Variants in LRMDA observed in about 807,000 individuals in gnomAD.
LRMDA encodes the protein leucine rich melanocyte differentiation associated, also known as leucine-rich melanocyte differentiation-associated protein.
A neutral mutation model predicts 29.8 loss-of-function variants in LRMDA; 18 were observed. The observed-to-expected ratio is 0.60, with a 90% CI of 0.42 to 0.90. The LOEUF is 0.90. Among genes scored for constraint, LRMDA ranks in the 40% least tolerant of loss-of-function variants. The pLI, the probability that LRMDA is intolerant of heterozygous loss-of-function variation, is 0.00. For synonymous variants in LRMDA, 125 were observed against 109.4 expected (o/e 1.14, Z -0.89); for missense variants, 273 against 273.9 (o/e 1.00, Z 0.02).
rs144318538 is a variant in LRMDA, at chr10:76,254,525, C to T, written c.517-69876C>T. On this transcript the variant is annotated intron_variant, in intron 5 of 6. Transcript: ENST00000611255. Reference sequence around the variant, plus strand: ...ATGCAAAGTTATCTCCAATTAGGCACGGTCACTTTCTCCTAGGGGTCTCAT... The same window carrying T: ...ATGCAAAGTTATCTCCAATTAGGCATGGTCACTTTCTCCTAGGGGTCTCAT... Among the ~76,000 whole-genome samples the T allele has an allele frequency of 2.6e-3, 394 of 152,178 alleles. 8 individuals carry two copies. Among genetic ancestry groups the T allele is most frequent in the Admixed American group, 0.023 (344 of 15,264 alleles).
chr10:75,505,641 A>G (rs1845161311), intron 2 of LRMDA, among the ~76,000 whole-genome samples: 1 of 152,020 alleles, frequency 6.6e-6, no homozygotes, highest in South Asian at 2.1e-4. Flanking sequence ...TACTTGCTGC[A>G]CTCATGGACC....
intron 2 of LRMDA, among the ~76,000 whole-genome samples, chr10:75,639,982 A>G (rs1306675370): frequency 6.6e-6 from 1 of 152,234 alleles, no homozygotes; most frequent in African/African-American, 2.4e-5. Flanking sequence ...TATACAGCCA[A>G]AGATAACCCT....
chr10:76,093,145 C>G (rs558896897), intron 5 of LRMDA, among the ~76,000 whole-genome samples: 227 of 152,210 alleles, frequency 1.5e-3, no homozygotes, highest in Non-Finnish European at 2.7e-3. Flanking sequence ...TCAAGCGATT[C>G]TCCTGCCTCA....
rs189598910 is a variant in LRMDA at position 75,706,499 on chromosome 10, T to G, written c.131+268005T>G. ...AAGAAGCTTGTATTCCTATAGAGAA[T>G]TTTGGACATTTGAGGCCTTATGAGG... is the stretch of plus-strand genomic sequence containing the variant. On this transcript the variant is annotated intron_variant, in intron 2 of 6. Coordinates refer to ENST00000611255, the MANE Select transcript of LRMDA (RefSeq NM_001305581.2). 2.1e-4 allele frequency among the ~76,000 whole-genome samples: 32 copies of G among 152,316 alleles called. No homozygotes were observed. In the Middle Eastern group the frequency reaches 0.014, roughly 65 times the overall value.
At chr10:75,703,767 A>G (rs922014337) in intron 2 of LRMDA, among the ~76,000 whole-genome samples, 2 of 152,186 alleles carry the variant, frequency 1.3e-5, no homozygotes, top group Non-Finnish European at 2.9e-5. Context: ...CCTTTGTAAC[A>G]CTTTAGTCAT....
chr10:76,448,978 C>T (rs1842379563), intron 6 of LRMDA, among the ~76,000 whole-genome samples: 1 of 151,676 alleles, frequency 6.6e-6, no homozygotes, highest in Admixed American at 6.6e-5. Flanking sequence ...GAGGAAATCC[C>T]CAGATTTATT....
chr10:75,879,289 T>C (rs1845253864), intron 2 of LRMDA, among the ~76,000 whole-genome samples: 1 of 152,200 alleles, frequency 6.6e-6, no homozygotes, highest in South Asian at 2.1e-4. Flanking sequence ...AACACTCAAT[T>C]GGCTGCTGCA....
intron 2 of LRMDA, among the ~76,000 whole-genome samples, chr10:75,868,925 A>T (rs939771019): frequency 3.3e-5 from 5 of 152,224 alleles, no homozygotes; most frequent in Non-Finnish European, 7.3e-5. Flanking sequence ...TAGAAAGGAC[A>T]TCCTGTCCTC....
chr10:76,356,744 G>C (rs73290726), intron 6 of LRMDA, among the ~76,000 whole-genome samples: 3 of 152,068 alleles, frequency 2.0e-5, no homozygotes, highest in Non-Finnish European at 4.4e-5. Context: ...TTGTGTGTGC[G>C]TGTGTTTTTT....
At chr10:76,289,112 T>C (rs1840307555) in intron 5 of LRMDA, among the ~76,000 whole-genome samples, 1 of 152,202 alleles carries the variant, frequency 6.6e-6, no homozygotes, top group South Asian at 2.1e-4. Flanking sequence ...ATGTTGGATT[T>C]GCATAAGATT....
intron 2 of LRMDA, among the ~76,000 whole-genome samples, chr10:75,504,274 G>A (rs967280335): frequency 5.9e-5 from 9 of 152,260 alleles, no homozygotes; most frequent in South Asian, 2.1e-4. Flanking sequence ...GGTTATAGGC[G>A]TGAGCCACGG....
chr10:75,528,422 A>G (rs1845438664), intron 2 of LRMDA, among the ~76,000 whole-genome samples: 1 of 152,232 alleles, frequency 6.6e-6, no homozygotes, highest in Admixed American at 6.5e-5. Context: ...CATATTAATC[A>G]AACATACACA....
intron 2 of LRMDA, among the ~76,000 whole-genome samples, chr10:75,526,163 T>C (rs1212526246): frequency 6.6e-6 from 1 of 152,042 alleles, no homozygotes; most frequent in Admixed American, 6.6e-5. Context: ...CCTCCTGGGC[T>C]CAAGGGATCC....
At chr10:75,904,396 G>GC (rs1845725650) in intron 2 of LRMDA, among the ~76,000 whole-genome samples, 1 of 152,102 alleles carries the variant, frequency 6.6e-6, no homozygotes, top group East Asian at 1.9e-4. Context: ...TCCACTGGTG[G>GC]CCGTCTATGG....
chr10:76,142,995 T>C (rs1850235266), intron 5 of LRMDA, among the ~76,000 whole-genome samples: 1 of 152,100 alleles, frequency 6.6e-6, no homozygotes, highest in South Asian at 2.1e-4. Flanking sequence ...TCCAGTTTCA[T>C]CCATGTCCCT....
chr10:75,476,149 T>TTC (rs1266817196), intron 2 of LRMDA, among the ~76,000 whole-genome samples: 33 of 152,368 alleles, frequency 2.2e-4, no homozygotes, highest in African/African-American at 7.5e-4. Flanking sequence ...CCAAGTCTTG[T>TTC]TCTCACTGGG....
intron 5 of LRMDA, among the ~76,000 whole-genome samples, chr10:76,302,308 C>T (rs533958686): frequency 8.5e-5 from 13 of 152,300 alleles, no homozygotes; most frequent in Admixed American, 3.9e-4. Context: ...TGAGAACCAG[C>T]ATATGGGATG....
chr10:76,312,856 T>C (rs563139611), intron 5 of LRMDA, among the ~76,000 whole-genome samples: 2 of 151,992 alleles, frequency 1.3e-5, no homozygotes, highest in African/African-American at 2.4e-5. Context: ...GTCTCTGTCA[T>C]GGCTACTGTG....
intron 5 of LRMDA, among the ~76,000 whole-genome samples, chr10:76,234,097 T>C (rs1255436171): frequency 6.6e-6 from 1 of 152,202 alleles, no homozygotes; most frequent in Non-Finnish European, 1.5e-5. Flanking sequence ...ATATATTTCT[T>C]AAATAAGAGG....
Sources: allele counts gnomAD v4.1 joint callset (sites outside exome capture counted in the v4.1 genomes callset), GRCh38; gene constraint gnomAD v4.1.1; transcripts MANE v1.5; gene names NCBI Gene and HGNC (gene_info 2026-07-23, HGNC 2026-07-21).